ANK2: variants seen among roughly 807,000 people sequenced by gnomAD.
ANK2 encodes ankyrin-2.
ANK2 carries 83 observed loss-of-function variants against 360.5 expected under a neutral mutation model. The observed-to-expected ratio is 0.23, with a 90% confidence interval of 0.19 to 0.28. The LOEUF (loss-of-function observed/expected upper bound fraction) is 0.28, where lower values mean the gene tolerates loss of function less well. Ranked by LOEUF, ANK2 falls within the 10% of genes least tolerant of loss-of-function variation. ANK2 has a pLI of 1.00. For synonymous variants in ANK2, 1,740 were observed against 1,759.5 expected, an observed-to-expected ratio of 0.99 and a Z score of 0.28; for missense variants, 4,201 against 4,795.7, an observed-to-expected ratio of 0.88 and a Z score of 3.66.
intron 2 of ANK2, among the ~76,000 whole-genome samples, chr4:112,993,573 TG>T (rs1436853428): frequency 1.3e-5 from 2 of 151,856 alleles, no homozygotes; most frequent in Non-Finnish European, 2.9e-5. Context: ...CCCAAAGTGC[TG>T]GGATTACAGG....
intron 1 of ANK2, among the ~76,000 whole-genome samples, chr4:113,118,854 T>A (rs974453028): frequency 6.6e-6 from 1 of 152,210 alleles, no homozygotes; most frequent in Non-Finnish European, 1.5e-5. Flanking sequence ...ACACAGTATA[T>A]GATTTCTTGG....
chr4:112,771,103 C>T, the ANK2 span, among the ~76,000 whole-genome samples: 1 of 152,062 alleles, frequency 6.6e-6, no homozygotes, highest in Admixed American at 6.6e-5. Context: ...AAAGCATACA[C>T]GTTTATTTAT....
chr4:112,950,883 C>T (rs1157105474), intron 2 of ANK2, among the ~76,000 whole-genome samples: 59 of 150,728 alleles, frequency 3.9e-4, no homozygotes, highest in African/African-American at 1.4e-3. Flanking sequence ...GAGATCGAGA[C>T]CATCCCGGCT....
At chr4:113,022,097 C>CAG (rs2058306804) in intron 2 of ANK2, among the ~76,000 whole-genome samples, 2 of 152,134 alleles carry the variant, frequency 1.3e-5, no homozygotes, top group South Asian at 4.2e-4. Flanking sequence ...CTTCTACACA[C>CAG]AGAGAGAGAG....
intron 1 of ANK2, among the ~76,000 whole-genome samples, chr4:113,144,142 C>A (rs909026241): frequency 6.6e-6 from 1 of 152,102 alleles, no homozygotes; most frequent in Non-Finnish European, 1.5e-5. Context: ...TTAAGAGATG[C>A]CTTCACCTAT....
chr4:113,181,691 G>C (rs990224780), intron 2 of ANK2, among the ~76,000 whole-genome samples: 1 of 152,114 alleles, frequency 6.6e-6, no homozygotes, highest in African/African-American at 2.4e-5. Flanking sequence ...CAAGGAGGCC[G>C]TGCATGCTGT....
chr4:113,112,956 T>C (rs1200588531), intron 1 of ANK2, among the ~76,000 whole-genome samples: 1 of 152,184 alleles, frequency 6.6e-6, no homozygotes, highest in Non-Finnish European at 1.5e-5. Context: ...GAGCAAGCTT[T>C]TCTTGGTAAT....
At chr4:113,375,724 CA>C (rs538542250) in intron 45 of ANK2, among the ~76,000 whole-genome samples, 92 of 102,724 alleles carry the variant, frequency 9.0e-4, no homozygotes, top group Non-Finnish European at 8.3e-4. Context: ...GAATTCGTCT[CA>C]AAAAAAAAAA....
intron 45 of ANK2, chr4:113,378,191 A>T (rs17483231): frequency 5.7e-6 from 7 of 1,219,718 alleles, no homozygotes; most frequent in Non-Finnish European, 7.5e-6. Context: ...GGTTTGGGTT[A>T]GCATGGGGTG....
chr4:113,145,543 C>T, intron 1 of ANK2: 1 of 978,980 alleles, frequency 1.0e-6, no homozygotes, highest in East Asian at 1.0e-4. Context: ...ACAACACCGC[C>T]CCCTCCCCTG....
At chr4:112,991,859 T>TC in intron 2 of ANK2, among the ~76,000 whole-genome samples, 1 of 151,968 alleles carries the variant, frequency 6.6e-6, no homozygotes, top group East Asian at 1.9e-4. Flanking sequence ...GTTTTTTTTT[T>TC]TCCACTATAT....
the ANK2 span, among the ~76,000 whole-genome samples, chr4:112,726,286 T>C: frequency 8.3e-4 from 127 of 152,218 alleles, 1 homozygote; most frequent in East Asian, 0.023. Flanking sequence ...TATGCCTGAG[T>C]ATGTATAAAG....
chr4:112,948,086 TC>T (rs2094670011), intron 2 of ANK2, among the ~76,000 whole-genome samples: 2 of 152,220 alleles, frequency 1.3e-5, no homozygotes, highest in East Asian at 3.8e-4. Context: ...TCTTCATTTT[TC>T]TGTTCAAATT....
chr4:113,059,142 A>G (rs779558453), intron 1 of ANK2, among the ~76,000 whole-genome samples: 1 of 152,200 alleles, frequency 6.6e-6, no homozygotes, highest in Non-Finnish European at 1.5e-5. Context: ...CTCAGCTCCT[A>G]AAGCCATTGC....
chr4:113,042,016 A>T (rs1226970595), intron 2 of ANK2, among the ~76,000 whole-genome samples: 1 of 152,162 alleles, frequency 6.6e-6, no homozygotes, highest in East Asian at 1.9e-4. Flanking sequence ...GATAGCTGGT[A>T]AAACATGATT....
intron 1 of ANK2, among the ~76,000 whole-genome samples, chr4:113,138,127 T>C (rs930809762): frequency 6.6e-6 from 1 of 152,188 alleles, no homozygotes; most frequent in African/African-American, 2.4e-5. Flanking sequence ...TAAATAATTC[T>C]TTATACCTTG....
intron 2 of ANK2, among the ~76,000 whole-genome samples, chr4:112,924,757 C>CA (rs942149464): frequency 2.0e-5 from 3 of 151,260 alleles, no homozygotes; most frequent in African/African-American, 7.3e-5. Flanking sequence ...ACATATATGA[C>CA]AGTAGTGGTT....
chr4:113,212,824 A>G (rs2099040246), intron 4 of ANK2, among the ~76,000 whole-genome samples: 1 of 152,260 alleles, frequency 6.6e-6, no homozygotes, highest in South Asian at 2.1e-4. Context: ...ATTCAGCACT[A>G]GTGCAGCCAT....
chr4:112,974,824 G>T (rs1172067267), intron 2 of ANK2, among the ~76,000 whole-genome samples: 1 of 148,622 alleles, frequency 6.7e-6, no homozygotes. Context: ...TCCTATTTTT[G>T]TCCTGGTAAA....
Sources: gnomAD v4.1 joint callset for allele counts (sites outside exome capture counted in the v4.1 genomes callset) on GRCh38, gnomAD v4.1.1 for gene constraint, MANE v1.5 for transcripts, NCBI Gene and HGNC (gene_info 2026-07-23, HGNC 2026-07-21) for gene names.